C8orf88: variants seen among roughly 807,000 people sequenced by gnomAD.
C8orf88 encodes the protein chromosome 8 open reading frame 88.
C8orf88 carries 14 observed loss-of-function variants against 18.4 expected under a neutral mutation model. The observed-to-expected ratio is 0.76, with a 90% confidence interval of 0.50 to 1.19. C8orf88 has a LOEUF of 1.19. Among genes scored for constraint, C8orf88 ranks in the 50% most tolerant of loss-of-function variants. The pLI is 0.00. For missense variants in C8orf88, 116 were observed against 134.7 expected (o/e 0.86, Z 0.69); for synonymous variants, 45 against 42.9 (o/e 1.05, Z -0.19).
At chr8:90,970,700 T>C (rs117065990) in intron 4 of C8orf88, among the ~76,000 whole-genome samples, 2,167 of 152,142 alleles carry the variant, frequency 0.014, 20 homozygotes, top group Middle Eastern at 0.044. Flanking sequence ...AGGAACATGA[T>C]GGCAGGAGCA....
chr8:90,979,874 G>A (rs1811407101), intron 2 of C8orf88, among the ~76,000 whole-genome samples: 1 of 152,166 alleles, frequency 6.6e-6, no homozygotes, highest in African/African-American at 2.4e-5. Flanking sequence ...TTTGAAATTA[G>A]ACCTGTTCTA....
At chr8:90,968,357 T>C (rs138420802) in intron 4 of C8orf88, among the ~76,000 whole-genome samples, 29 of 151,700 alleles carry the variant, frequency 1.9e-4, no homozygotes, top group African/African-American at 6.8e-4. Context: ...CAAATTACAA[T>C]GGGACAAGTG....
intron 4 of C8orf88, among the ~76,000 whole-genome samples, chr8:90,967,757 T>A (rs933195684): frequency 1.3e-5 from 2 of 151,776 alleles, no homozygotes; most frequent in East Asian, 1.9e-4. Flanking sequence ...AAATTCATAG[T>A]AATGTCCCCC....
At chr8:90,961,863 C>A (rs1369634946) in intron 4 of C8orf88, among the ~76,000 whole-genome samples, 1 of 150,548 alleles carries the variant, frequency 6.6e-6, no homozygotes, top group Non-Finnish European at 1.5e-5. Flanking sequence ...ATTTACTGAC[C>A]CCCTAAACAT....
chr8:90,980,261 A>C, intron 2 of C8orf88, 102 bp downstream of exon 2: 1 of 661,146 alleles, frequency 1.5e-6, no homozygotes, highest in Non-Finnish European at 2.2e-6. Context: ...TATTTCTTTA[A>C]ATATCCACCT....
chr8:90,972,808 G>A (rs1236795314), intron 3 of C8orf88, among the ~76,000 whole-genome samples: 1 of 152,036 alleles, frequency 6.6e-6, no homozygotes, highest in Non-Finnish European at 1.5e-5. Flanking sequence ...TTTGTGAAGG[G>A]TATGCATCTA....
intron 4 of C8orf88, among the ~76,000 whole-genome samples, chr8:90,968,040 A>C (rs977536980): frequency 2.0e-5 from 3 of 151,820 alleles, no homozygotes; most frequent in South Asian, 2.1e-4. Flanking sequence ...TCAAATTTCT[A>C]ATGGCCTCTT....
intron 4 of C8orf88, among the ~76,000 whole-genome samples, chr8:90,962,876 C>T (rs932452459): frequency 1.3e-5 from 2 of 151,438 alleles, no homozygotes; most frequent in Admixed American, 6.6e-5. Context: ...TTGGAGCAAA[C>T]ATTAGGCATA....
chr8:90,974,739 A>G (rs1366586688), intron 3 of C8orf88, among the ~76,000 whole-genome samples: 1 of 152,170 alleles, frequency 6.6e-6, no homozygotes, highest in Non-Finnish European at 1.5e-5. Flanking sequence ...ATGAAAGTAA[A>G]ATAAAATTCT....
At chr8:90,966,274 A>G (rs960437391) in intron 4 of C8orf88, among the ~76,000 whole-genome samples, 7 of 145,834 alleles carry the variant, frequency 4.8e-5, no homozygotes, top group African/African-American at 1.8e-4. Context: ...AACACTGCAT[A>G]TTCTCACTCA....
At position 90,960,867 on chromosome 8, in the gene C8orf88, A is replaced by T; in HGVS notation, c.224-19T>A. 1 of 1,402,934 alleles carries T rather than the reference A, an allele frequency of 7.1e-7. No homozygotes were observed. Among genetic ancestry groups the T allele is most frequent in the Non-Finnish European group, 9.7e-7 (1 of 1,026,982 alleles). 86.9% of individuals were successfully genotyped at this position (1,402,934 alleles called of 1,614,324 possible). A position where few individuals can be genotyped will look rare whatever the true frequency, so the allele number is the denominator to read the frequency against. ...ATTCTCTCTGTAGATATTAAACATC[A>T]AATATAATGTTAGGAAATGTAGGGC... On this transcript the variant is annotated intron_variant, in intron 4 of 5. Coordinates refer to ENST00000517562, the MANE Select transcript of C8orf88 (RefSeq NM_001190972.2).
At chr8:90,971,560 C>T (rs770559428) in intron 3 of C8orf88, among the ~76,000 whole-genome samples, 3 of 151,866 alleles carry the variant, frequency 2.0e-5, no homozygotes, top group South Asian at 2.1e-4. Flanking sequence ...AGACTGATGT[C>T]GCTTTATAAG....
intron 4 of C8orf88, among the ~76,000 whole-genome samples, chr8:90,962,281 T>A (rs1163600142): frequency 6.6e-6 from 1 of 151,620 alleles, no homozygotes; most frequent in African/African-American, 2.4e-5. Context: ...ACCAACCCAA[T>A]ACCCTTTTTT....
At chr8:90,965,101 A>T (rs1289647929) in intron 4 of C8orf88, among the ~76,000 whole-genome samples, 9 of 151,544 alleles carry the variant, frequency 5.9e-5, no homozygotes, top group Admixed American at 1.3e-4. Flanking sequence ...ATGAATTTTT[A>T]AAAATCATCT....
chr8:90,958,906 A>C lies in C8orf88; in HGVS notation c.*101T>G. ...GAGAAGTCAAATAGCCAACCATCAA[A>C]ATTAAGAATAAATTGAATTGTCACA... On this transcript the variant is annotated 3_prime_UTR_variant, in exon 6 of 6. Coordinates refer to ENST00000517562, the MANE Select transcript of C8orf88 (RefSeq NM_001190972.2). The C allele has an allele frequency of 1.5e-6, 1 of 680,222 alleles. No individual in the cohort carries two copies. The highest frequency in any genetic ancestry group is 2.1e-5 in the South Asian group (1 of 47,664). 42.1% of individuals were successfully genotyped at this position (680,222 alleles called of 1,614,324 possible). A position where few individuals can be genotyped will look rare whatever the true frequency, so the allele number is the denominator to read the frequency against.
At position 90,971,074 on chromosome 8, in the gene C8orf88, A is replaced by G; in HGVS notation, c.215T>C (p.Val72Ala). 6.6e-7 allele frequency: 1 copy of G among 1,511,762 alleles called. No homozygotes were observed. Among genetic ancestry groups the G allele is most frequent in the Non-Finnish European group, 8.8e-7 (1 of 1,133,324 alleles). The allele number at this position is 1,511,762 out of a possible 1,614,324, so 93.6% of individuals were successfully genotyped here. Residue 72 changes from valine to alanine, a missense_variant, in exon 4 of 6, where the codon GTT becomes GCT. By Grantham distance (64) the Val-to-Ala change is moderately conservative. Coordinates refer to ENST00000517562, the MANE Select transcript of C8orf88 (RefSeq NM_001190972.2). ...LNEQQQQQSP[V>A]KKERIKYSRD... ...TTATGATAAAATTTTACCTTTCTTA[A>G]CTGGAGACTGCTGTTGCTGTTGCTC...
intron 4 of C8orf88, among the ~76,000 whole-genome samples, chr8:90,963,041 C>A (rs1811150134): frequency 6.6e-6 from 1 of 151,618 alleles, no homozygotes; most frequent in Admixed American, 6.6e-5. Context: ...GCACTCACTC[C>A]TGGCTGACTT....
Position 90,960,761 on chromosome 8 carries a change from G to T in C8orf88, c.311C>A (p.Pro104His), listed in dbSNP as rs1296063713. The T allele has an allele frequency of 3.3e-6, 5 of 1,529,450 alleles. No homozygotes were observed. Among genetic ancestry groups the T allele is most frequent in the Non-Finnish European group, 4.4e-6 (5 of 1,142,138 alleles). The allele number at this position is 1,529,450 out of a possible 1,614,324, so 94.7% of individuals were successfully genotyped here. A position where few individuals can be genotyped will look rare whatever the true frequency, so the allele number is the denominator to read the frequency against. The change falls in exon 5 of 6, where the codon CCC (proline) becomes CAC (histidine). Residue 104 changes from proline (P) to histidine (H), a missense_variant. Physicochemically the swap from Pro to His is moderately conservative, Grantham distance 77. Coordinates refer to ENST00000517562, the MANE Select transcript of C8orf88 (RefSeq NM_001190972.2). The stretch of plus-strand genomic sequence containing the variant: ...ACTTACTGGTTTTTGCAGTACAATG[G>T]GATGATCAGGCAGAAAGTCTGGTTT... ...RKKPDFLPDH[P>H]IVLQKPENNQ...
intron 5 of C8orf88, chr8:90,959,440 G>GTTTACA (rs1213087480): frequency 6.6e-6 from 1 of 151,834 alleles, no homozygotes; most frequent in African/African-American, 2.4e-5. Context: ...TAGCACTGAA[G>GTTTACA]TTTACATTTA....
Sources: gnomAD v4.1 joint callset for allele counts (sites outside exome capture counted in the v4.1 genomes callset) on GRCh38, gnomAD v4.1.1 for gene constraint, MANE v1.5 for transcripts, NCBI Gene and HGNC (gene_info 2026-07-23, HGNC 2026-07-21) for gene names.